Variants in HCN1 observed in about 807,000 individuals in gnomAD.
HCN1 encodes potassium/sodium hyperpolarization-activated cyclic nucleotide-gated channel 1.
Under a neutral mutation model 78.9 loss-of-function variants are expected in HCN1, and 13 were observed. That is an observed-to-expected ratio of 0.16 (90% CI 0.11 to 0.26). The LOEUF is 0.26. Among genes scored for constraint, HCN1 ranks in the 10% least tolerant of loss-of-function variants. The pLI is 1.00. For synonymous variants in HCN1, 552 were observed against 455.5 expected, an observed-to-expected ratio of 1.21 and a Z score of -2.70; for missense variants, 810 against 1,154.3, an observed-to-expected ratio of 0.70 and a Z score of 4.32.
intron 4 of HCN1, among the ~76,000 whole-genome samples, chr5:45,383,861 T>C (rs1579859711): frequency 6.6e-6 from 1 of 152,280 alleles, no homozygotes; most frequent in South Asian, 2.1e-4. Context: ...AATCACAGAT[T>C]CTCTTGCCTT....
chr5:45,583,737 G>A (rs973630304), intron 2 of HCN1, among the ~76,000 whole-genome samples: 26 of 152,062 alleles, frequency 1.7e-4, no homozygotes, highest in African/African-American at 3.6e-4. Flanking sequence ...CTTTGTTCTC[G>A]TTGGTTTCAA....
intron 1 of HCN1, among the ~76,000 whole-genome samples, chr5:45,688,176 T>G (rs2112098943): frequency 6.6e-6 from 1 of 152,312 alleles, no homozygotes; most frequent in South Asian, 2.1e-4. Flanking sequence ...TTTTTCATAT[T>G]ATTTTGGAGT....
intron 6 of HCN1, among the ~76,000 whole-genome samples, chr5:45,294,394 A>G (rs1018194174): frequency 3.9e-5 from 6 of 152,026 alleles, no homozygotes; most frequent in African/African-American, 1.2e-4. Flanking sequence ...AGCATTTAAC[A>G]ACAGTCATGA....
At chr5:45,414,745 C>G (rs979747521) in intron 3 of HCN1, among the ~76,000 whole-genome samples, 1 of 152,018 alleles carries the variant, frequency 6.6e-6, no homozygotes, top group Non-Finnish European at 1.5e-5. Flanking sequence ...TTTCTTTTGT[C>G]CCATCTCTTT....
chr5:45,679,685 T>TA (rs1447370730), intron 1 of HCN1, among the ~76,000 whole-genome samples: 1 of 152,096 alleles, frequency 6.6e-6, no homozygotes, highest in East Asian at 1.9e-4. Context: ...CTTTAATTGA[T>TA]AAAAAATTGT....
At chr5:45,372,647 AT>A (rs373944569) in intron 4 of HCN1, among the ~76,000 whole-genome samples, 2 of 111,674 alleles carry the variant, frequency 1.8e-5, no homozygotes, top group East Asian at 3.0e-4. Context: ...TTATATAAAA[AT>A]ATATAAAACA....
intron 5 of HCN1, among the ~76,000 whole-genome samples, chr5:45,345,851 T>C (rs1464872528): frequency 2.6e-5 from 4 of 152,226 alleles, no homozygotes; most frequent in African/African-American, 9.6e-5. Flanking sequence ...ATTTCAGGTA[T>C]CTTTGAAGCA....
chr5:45,590,956 C>T (rs939425287), intron 2 of HCN1, among the ~76,000 whole-genome samples: 1 of 151,940 alleles, frequency 6.6e-6, no homozygotes, highest in African/African-American at 2.4e-5. Flanking sequence ...CTCAGTCTCT[C>T]GAGCAACTGG....
intron 2 of HCN1, among the ~76,000 whole-genome samples, chr5:45,591,838 G>T (rs1354882426): frequency 6.6e-6 from 1 of 152,106 alleles, no homozygotes; most frequent in African/African-American, 2.4e-5. Flanking sequence ...TGTGCCTTTG[G>T]TGTGGCATCT....
At chr5:45,288,179 C>T (rs1303614867) in intron 6 of HCN1, among the ~76,000 whole-genome samples, 1 of 152,004 alleles carries the variant, frequency 6.6e-6, no homozygotes, top group Non-Finnish European at 1.5e-5. Context: ...ACAATTTCTA[C>T]TTTATTTCAC....
intron 2 of HCN1, among the ~76,000 whole-genome samples, chr5:45,638,444 T>C (rs1745394925): frequency 6.6e-6 from 1 of 152,196 alleles, no homozygotes. Context: ...AGCATGAACA[T>C]TTCAAATCAG....
At chr5:45,660,886 A>G (rs1200770030) in intron 1 of HCN1, among the ~76,000 whole-genome samples, 1 of 111,682 alleles carries the variant, frequency 9.0e-6, no homozygotes, top group African/African-American at 3.6e-5. Flanking sequence ...TCAACATTAG[A>G]CAGATCAACG....
chr5:45,282,262 C>T (rs1745183998), intron 6 of HCN1, among the ~76,000 whole-genome samples: 1 of 152,104 alleles, frequency 6.6e-6, no homozygotes. Flanking sequence ...AAGAAATGGG[C>T]TTTAAAAATT....
At chr5:45,581,827 T>C (rs1182448506) in intron 2 of HCN1, among the ~76,000 whole-genome samples, 1 of 152,170 alleles carries the variant, frequency 6.6e-6, no homozygotes, top group Non-Finnish European at 1.5e-5. Flanking sequence ...GATCAGATAG[T>C]TGTAGATATG....
chr5:45,441,580 A>G (rs1347584964), intron 3 of HCN1, among the ~76,000 whole-genome samples: 1 of 152,250 alleles, frequency 6.6e-6, no homozygotes, highest in African/African-American at 2.4e-5. Context: ...TGGACACCAT[A>G]TACTTAAAAC....
chr5:45,635,381 T>G (rs1745338171), intron 2 of HCN1, among the ~76,000 whole-genome samples: 1 of 151,998 alleles, frequency 6.6e-6, no homozygotes, highest in South Asian at 2.1e-4. Context: ...ATAATTATTG[T>G]AAAAATTCCC....
intron 3 of HCN1, among the ~76,000 whole-genome samples, chr5:45,429,341 T>G (rs559674495): frequency 6.6e-6 from 1 of 152,280 alleles, no homozygotes; most frequent in South Asian, 2.1e-4. Context: ...TCTGATCTGT[T>G]CAGCTTTATA....
chr5:45,470,205 G>A (rs1484674738), intron 2 of HCN1, among the ~76,000 whole-genome samples: 1 of 151,926 alleles, frequency 6.6e-6, no homozygotes, highest in Non-Finnish European at 1.5e-5. Context: ...TATTTGAGTG[G>A]GTTTGTGTCA....
chr5:45,301,915 T>C (rs565147216), intron 6 of HCN1, among the ~76,000 whole-genome samples: 52 of 151,934 alleles, frequency 3.4e-4, no homozygotes, highest in African/African-American at 1.2e-3. Flanking sequence ...AGAAAATAGT[T>C]GCATCATATA....
Sources: gnomAD v4.1 joint callset for allele counts (sites outside exome capture counted in the v4.1 genomes callset) on GRCh38, gnomAD v4.1.1 for gene constraint, MANE v1.5 for transcripts, NCBI Gene and HGNC (gene_info 2026-07-23, HGNC 2026-07-21) for gene names.